Variants in PTPRD observed in about 807,000 individuals in gnomAD.
PTPRD encodes receptor-type tyrosine-protein phosphatase delta.
PTPRD carries 34 observed loss-of-function variants against 214.5 expected under a neutral mutation model. That is an observed-to-expected ratio of 0.16 (90% CI 0.12 to 0.21). The LOEUF is 0.21. Among genes scored for constraint, PTPRD ranks in the 10% least tolerant of loss-of-function variants. PTPRD has a pLI of 1.00. For missense variants in PTPRD, 2,545 were observed against 2,398.7 expected, an observed-to-expected ratio of 1.06 and a Z score of -1.27; for synonymous variants, 1,128 against 845.7, an observed-to-expected ratio of 1.33 and a Z score of -5.79.
chr9:9,827,296 T>C (rs1396254261), intron 5 of PTPRD, among the ~76,000 whole-genome samples: 1 of 152,120 alleles, frequency 6.6e-6, no homozygotes, highest in Non-Finnish European at 1.5e-5. Context: ...ATGGTACTGG[T>C]ACCAAAACAG....
At chr9:10,111,022 G>A (rs1420795763) in intron 3 of PTPRD, among the ~76,000 whole-genome samples, 1 of 151,932 alleles carries the variant, frequency 6.6e-6, no homozygotes. Context: ...AGAGAGTGCT[G>A]GGTTCTAGAA....
intron 11 of PTPRD, among the ~76,000 whole-genome samples, chr9:8,982,343 T>C (rs2099317060): frequency 6.6e-6 from 1 of 152,032 alleles, no homozygotes; most frequent in Non-Finnish European, 1.5e-5. Context: ...TTATAGATTT[T>C]AAACTTCATT....
intron 12 of PTPRD, among the ~76,000 whole-genome samples, chr9:8,659,925 T>C (rs182842445): frequency 8.4e-4 from 126 of 150,700 alleles, no homozygotes; most frequent in African/African-American, 2.8e-3. Flanking sequence ...AGAATAAATG[T>C]AGAGAGAGAG....
At position 8,391,037 on chromosome 9, in the gene PTPRD, G is replaced by A. The variant is rs140918750; in HGVS notation, c.4211-1630C>T. On this transcript the variant is annotated intron_variant, in intron 36 of 45. Transcript: ENST00000381196. ...GTTGGCTATCTGTAGGGGAGAACAA[G>A]CACTTTATAGGAATGTCAGCATGAT... Among the ~76,000 whole-genome samples, 278 of 151,812 alleles carry A rather than the reference G, an allele frequency of 1.8e-3. 1 individual carries two copies. Among genetic ancestry groups the A allele is most frequent in the Non-Finnish European group, 2.5e-3 (173 of 67,966 alleles).
At chr9:9,929,010 T>C (rs1308044041) in intron 5 of PTPRD, among the ~76,000 whole-genome samples, 1 of 152,102 alleles carries the variant, frequency 6.6e-6, no homozygotes, top group East Asian at 1.9e-4. Context: ...GTCTCAGAGG[T>C]TCGAAGAGAC....
chr9:9,953,111 C>A (rs1032271576), intron 4 of PTPRD, among the ~76,000 whole-genome samples: 1 of 152,102 alleles, frequency 6.6e-6, no homozygotes, highest in Non-Finnish European at 1.5e-5. Context: ...TTAGATTTAT[C>A]CATTTTGTTC....
At chr9:9,638,323 T>G (rs920255190) in intron 7 of PTPRD, among the ~76,000 whole-genome samples, 2 of 152,202 alleles carry the variant, frequency 1.3e-5, no homozygotes, top group African/African-American at 2.4e-5. Context: ...AGACTTCTTC[T>G]GCCAAATATC....
intron 10 of PTPRD, among the ~76,000 whole-genome samples, chr9:9,170,851 G>C (rs561038816): frequency 1.8e-4 from 28 of 152,298 alleles, no homozygotes; most frequent in African/African-American, 6.7e-4. Context: ...ACTGGAGAAT[G>C]AGAGTAGGAG....
At chr9:10,069,640 C>A (rs570803046) in intron 3 of PTPRD, among the ~76,000 whole-genome samples, 10 of 152,072 alleles carry the variant, frequency 6.6e-5, no homozygotes, top group African/African-American at 2.4e-4. Flanking sequence ...GCCACTGAGA[C>A]TTGACTTTGA....
At chr9:9,628,628 A>G (rs75815491) in intron 7 of PTPRD, among the ~76,000 whole-genome samples, 1 of 152,172 alleles carries the variant, frequency 6.6e-6, no homozygotes, top group Non-Finnish European at 1.5e-5. Flanking sequence ...TAACTAAAAA[A>G]TACTATTTTC....
At chr9:8,372,338 TTAA>T (rs1407393868) in intron 39 of PTPRD, among the ~76,000 whole-genome samples, 1 of 152,040 alleles carries the variant, frequency 6.6e-6, no homozygotes, top group Non-Finnish European at 1.5e-5. Context: ...TGAATAATTA[TTAA>T]TAATTTAAAA....
chr9:8,774,898 G>A (rs572609604), intron 11 of PTPRD, among the ~76,000 whole-genome samples: 4 of 152,162 alleles, frequency 2.6e-5, no homozygotes, highest in East Asian at 1.9e-4. Context: ...TGTTGATTAC[G>A]AAGATACTTC....
At chr9:9,048,186 C>T (rs1366824305) in intron 10 of PTPRD, among the ~76,000 whole-genome samples, 18 of 152,126 alleles carry the variant, frequency 1.2e-4, no homozygotes, top group South Asian at 2.1e-4. Context: ...AAATGGAACC[C>T]GTGTACACTT....
chr9:10,102,932 A>G (rs755790690), intron 3 of PTPRD, among the ~76,000 whole-genome samples: 48 of 151,778 alleles, frequency 3.2e-4, no homozygotes, highest in Admixed American at 8.6e-4. Context: ...CATAATAATT[A>G]CATTCATTTC....
intron 3 of PTPRD, among the ~76,000 whole-genome samples, chr9:10,337,147 C>G (rs1219454776): frequency 2.6e-5 from 4 of 151,646 alleles, no homozygotes; most frequent in African/African-American, 9.7e-5. Flanking sequence ...AATCGAGTGG[C>G]CCAATTTTGG....
At chr9:10,001,735 T>A (rs1034507955) in intron 4 of PTPRD, among the ~76,000 whole-genome samples, 4 of 152,032 alleles carry the variant, frequency 2.6e-5, no homozygotes, top group African/African-American at 9.7e-5. Context: ...CCATACTAAT[T>A]AAGAGAAAAA....
At chr9:9,239,205 A>C (rs761419157) in intron 9 of PTPRD, among the ~76,000 whole-genome samples, 1 of 152,080 alleles carries the variant, frequency 6.6e-6, no homozygotes, top group Non-Finnish European at 1.5e-5. Flanking sequence ...TCTGAAAAAA[A>C]AAAAAACCAC....
At chr9:9,226,346 T>C (rs544493470) in intron 9 of PTPRD, among the ~76,000 whole-genome samples, 1 of 152,030 alleles carries the variant, frequency 6.6e-6, no homozygotes, top group East Asian at 1.9e-4. Flanking sequence ...AAGCAAATTT[T>C]ACTTTTACTT....
At chr9:10,329,487 G>C (rs748402275) in intron 3 of PTPRD, among the ~76,000 whole-genome samples, 22 of 151,764 alleles carry the variant, frequency 1.4e-4, no homozygotes, top group African/African-American at 2.4e-4. Flanking sequence ...CATGAAGTCT[G>C]TTCATGAATA....
Sources: gnomAD v4.1 joint callset for allele counts (sites outside exome capture counted in the v4.1 genomes callset) on GRCh38, gnomAD v4.1.1 for gene constraint, MANE v1.5 for transcripts, NCBI Gene and HGNC (gene_info 2026-07-23, HGNC 2026-07-21) for gene names.